The following LPIN1 variants were observed in gnomAD, a reference collection of about 807,000 sequenced individuals.
LPIN1 encodes the protein phosphatidate phosphatase LPIN1.
A neutral mutation model predicts 107.5 loss-of-function variants in LPIN1; 71 were observed. That is an observed-to-expected ratio of 0.66 (90% confidence interval 0.55 to 0.80). LPIN1 has a LOEUF of 0.80. Ranked by LOEUF, LPIN1 falls within the 30% of genes least tolerant of loss-of-function variation. The pLI, the probability that LPIN1 is intolerant of heterozygous loss-of-function variation, is 0.00. For synonymous variants in LPIN1, 445 were observed against 452.6 expected (o/e 0.98, Z 0.21); for missense variants, 1,043 against 1,160.6 (o/e 0.90, Z 1.47).
intron 7 of LPIN1, among the ~76,000 whole-genome samples, chr2:11,780,807 T>C (rs1673457228): frequency 1.3e-5 from 2 of 152,226 alleles, no homozygotes; most frequent in African/African-American, 4.8e-5. Context: ...ATGTGAAGTA[T>C]CTGGCACCTG....
chr2:11,764,054 A>G (rs1299212104), intron 1 of LPIN1: 3 of 104,382 alleles, frequency 2.9e-5, no homozygotes, highest in Admixed American at 1.8e-4. Flanking sequence ...CTATCTTCAA[A>G]TGTGTGTGTG....
At position 11,815,198 on chromosome 2, in the gene LPIN1, C is replaced by T; in HGVS notation, c.2360C>T (p.Pro787Leu). Residue 787 changes from proline to leucine, a missense_variant, in exon 18 of 21, where the codon CCC becomes CTC. Transcript: ENST00000674199. Reference sequence around the variant, plus strand: ...AGGGGCACGGTGCTGCCCCAGGGGCCCCTGCTGCTGAGTCCCAGCAGCCTC... The same window carrying T: ...AGGGGCACGGTGCTGCCCCAGGGGCTCCTGCTGCTGAGTCCCAGCAGCCTC... ...NERGTVLPQG[P>L]LLLSPSSLFS... is the part of the protein sequence containing the mutation. 1.2e-6 allele frequency: 2 copies of T among 1,614,148 alleles called. No individual in the cohort carries two copies. The highest frequency in any genetic ancestry group is 1.7e-6 in the Non-Finnish European group (2 of 1,180,010).
At chr2:11,756,813 G>A (rs1051266122) in intron 1 of LPIN1, among the ~76,000 whole-genome samples, 1 of 152,228 alleles carries the variant, frequency 6.6e-6, no homozygotes, top group Non-Finnish European at 1.5e-5. Flanking sequence ...TGTATTATCT[G>A]TTTGGTTCTA....
chr2:11,684,945 ACATCCTGCCCT>A (rs1661925176), intron 1 of LPIN1, among the ~76,000 whole-genome samples: 1 of 32,450 alleles, frequency 3.1e-5, no homozygotes, highest in Non-Finnish European at 1.0e-4. Flanking sequence ...AATAAAACAA[ACATCCTGCCCT>A]CCTGGAGCTT....
intron 1 of LPIN1, chr2:11,763,106 C>G (rs1003227399): frequency 6.6e-6 from 1 of 152,248 alleles, no homozygotes; most frequent in Non-Finnish European, 1.5e-5. Context: ...GGACTCAGCC[C>G]TGGAGTATAA....
Position 11,824,924 on chromosome 2 carries a change from A to C in LPIN1, c.*133A>C. ...ATTGGCCTGACAGCAGAGAGAATTGAGAAGCATTTCTCCCCTGCCCCACCC... is the reference window on the plus strand; with the variant it reads ...ATTGGCCTGACAGCAGAGAGAATTGCGAAGCATTTCTCCCCTGCCCCACCC... On this transcript the variant is annotated 3_prime_UTR_variant, in exon 21 of 21. Coordinates refer to ENST00000674199, the MANE Select transcript of LPIN1 (RefSeq NM_001349206.2). 9.5e-7 allele frequency: 1 copy of C among 1,053,028 alleles called. No individual in the cohort carries two copies. The highest frequency in any genetic ancestry group is 2.5e-5 in the East Asian group (1 of 40,390). The allele number at this position is 1,053,028 out of a possible 1,614,324, so 65.2% of individuals were successfully genotyped here. A position where few individuals can be genotyped will look rare whatever the true frequency, so the allele number is the denominator to read the frequency against.
At chr2:11,690,139 A>G (rs1168320355) in intron 1 of LPIN1, among the ~76,000 whole-genome samples, 1 of 152,164 alleles carries the variant, frequency 6.6e-6, no homozygotes. Flanking sequence ...GTTAATTATA[A>G]TATGTCCAAC....
intron 19 of LPIN1, 44 bp downstream of exon 19, chr2:11,819,642 C>G (rs772305850): frequency 1.5e-6 from 2 of 1,363,972 alleles, no homozygotes; most frequent in Admixed American, 3.3e-5. Flanking sequence ...AAATGACTGC[C>G]TTTTCTGGTT....
Position 11,803,681 on chromosome 2 carries a change from C to G in LPIN1, c.2013+648C>G, listed in dbSNP as rs1395679419. Among the ~76,000 whole-genome samples, 2 of 152,078 alleles carry G rather than the reference C, an allele frequency of 1.3e-5. No individual in the cohort carries two copies. Among genetic ancestry groups the G allele is most frequent in the East Asian group, 3.9e-4 (2 of 5,174 alleles). ...AAGATAAGGAAGAGGCCCAGACACC[C>G]ACTCAGGCCATGTGTGGGACCCTGC... On this transcript the variant is annotated intron_variant, in intron 15 of 20. Coordinates refer to ENST00000674199, the MANE Select transcript of LPIN1 (RefSeq NM_001349206.2). This position sits in a 1 kb window ranked among gnomAD's most constrained non-coding sequence, Gnocchi z 4.2.
chr2:11,709,634 G>A (rs768993932), intron 1 of LPIN1, among the ~76,000 whole-genome samples: 6 of 152,142 alleles, frequency 3.9e-5, no homozygotes, highest in Non-Finnish European at 7.3e-5. Flanking sequence ...TGCCTCTCTT[G>A]TCCTGGAAAA....
intron 1 of LPIN1, among the ~76,000 whole-genome samples, chr2:11,701,954 G>T (rs1268105070): frequency 6.6e-6 from 1 of 152,218 alleles, no homozygotes. Flanking sequence ...TCAACTTTCT[G>T]ACGTCATTGT....
In LPIN1 at chr2:11,752,433, A is replaced by ATTT. The variant is rs34156190; in HGVS notation, c.-10+5776_-10+5778dup. ...TTTTCTTTTGAGCTGTTCCAAGGCC[A>ATTT]TTTTTTTTTTTTTTTTGAGACGGAG... On this transcript the variant is annotated intron_variant, in intron 1 of 20. Coordinates refer to ENST00000674199, the MANE Select transcript of LPIN1 (RefSeq NM_001349206.2). 1.4e-4 allele frequency among the ~76,000 whole-genome samples: 15 copies of ATTT among 103,870 alleles called. 3 individuals carry two copies. Among genetic ancestry groups the ATTT allele is most frequent in the African/African-American group, 7.9e-4 (14 of 17,700 alleles). The allele number at this position is 103,870 out of a possible 152,430, so 68.1% of individuals were successfully genotyped here.
At chr2:11,814,534 G>GTT (rs1219895772) in intron 17 of LPIN1, among the ~76,000 whole-genome samples, 7 of 151,890 alleles carry the variant, frequency 4.6e-5, no homozygotes, top group African/African-American at 1.5e-4. Context: ...GTGTGTGTGT[G>GTT]TGTGTGTGTG....
chr2:11,771,071 G>A lies in LPIN1; in HGVS notation c.289-301G>A, dbSNP rs1317909283. On this transcript the variant is annotated intron_variant, in intron 3 of 20. Coordinates refer to ENST00000674199, the MANE Select transcript of LPIN1 (RefSeq NM_001349206.2). The surrounding 1 kb of genome is among the most constrained non-coding windows in gnomAD (Gnocchi z 4.8). ...TTTCCTCTGTGCTCTGGGTATTACA[G>A]CCAAAGTTGAATTTTGGGGGCTTGA... Among the ~76,000 whole-genome samples, 1 of 152,216 alleles carries A rather than the reference G, an allele frequency of 6.6e-6. No individual in the cohort carries two copies. Among genetic ancestry groups the A allele is most frequent in the East Asian group, 1.9e-4 (1 of 5,204 alleles).
chr2:11,763,361 G>A (rs1324562671), intron 1 of LPIN1: 1 of 153,270 alleles, frequency 6.5e-6, no homozygotes, highest in African/African-American at 2.4e-5. Flanking sequence ...TGGGAGCGGA[G>A]AGCCGGGCAG....
intron 1 of LPIN1, among the ~76,000 whole-genome samples, chr2:11,705,504 G>A (rs1333923078): frequency 1.3e-5 from 2 of 152,340 alleles, no homozygotes; most frequent in South Asian, 2.1e-4. Context: ...GTCAGGATGT[G>A]AGCAGGTTGA....
chr2:11,724,547 T>G (rs1664405676), intron 1 of LPIN1: 1 of 985,464 alleles, frequency 1.0e-6, no homozygotes, highest in African/African-American at 1.7e-5. Flanking sequence ...CAGGTTCGCA[T>G]GAGCAGGGGC....
chr2:11,770,321 T>C, intron 3 of LPIN1, among the ~76,000 whole-genome samples: 1 of 152,128 alleles, frequency 6.6e-6, no homozygotes, highest in East Asian at 1.9e-4. Flanking sequence ...CAGATGCCTC[T>C]TAGGACCCCT....
intron 7 of LPIN1, 98 bp downstream of exon 7, chr2:11,779,743 C>T: frequency 1.3e-6 from 2 of 1,543,886 alleles, no homozygotes; most frequent in Admixed American, 3.4e-5. Flanking sequence ...ACACAGCTAC[C>T]AGGAGCCAGA....
Sources: allele counts gnomAD v4.1 joint callset (sites outside exome capture counted in the v4.1 genomes callset), GRCh38; gene constraint gnomAD v4.1.1; non-coding constraint Gnocchi (gnomAD v3.1); transcripts MANE v1.5; gene names NCBI Gene and HGNC (gene_info 2026-07-23, HGNC 2026-07-21).